Variants in MAMLD1 observed in about 807,000 individuals in gnomAD.
The protein encoded by MAMLD1 is mastermind-like domain-containing protein 1.
In MAMLD1, 14 loss-of-function variants were observed where a neutral mutation model predicts 45.0. That is an observed-to-expected ratio of 0.31 (90% CI 0.21 to 0.49). The LOEUF (loss-of-function observed/expected upper bound fraction) is 0.49, where lower values mean the gene tolerates loss of function less well. MAMLD1 is among the 20% of genes least tolerant of loss of function. MAMLD1 has a pLI of 0.99. For synonymous variants in MAMLD1, 254 were observed against 247.8 expected, an observed-to-expected ratio of 1.02 and a Z score of -0.24; for missense variants, 543 against 603.6, an observed-to-expected ratio of 0.90 and a Z score of 1.05.
chrX:150,381,698 C>T lies in MAMLD1; in HGVS notation c.-64+18168C>T, dbSNP rs997704114. On this transcript the variant is annotated intron_variant, in intron 1 of 7. Transcript: ENST00000370401. Reference sequence around the variant, plus strand: ...ATTCTGATAGTGGTGTAGTGCAATACAGGAGTAGTCCATTCTCACAGGTGT... The same window carrying T: ...ATTCTGATAGTGGTGTAGTGCAATATAGGAGTAGTCCATTCTCACAGGTGT... Among the ~76,000 whole-genome samples, 6 of 112,099 alleles carry T rather than the reference C, an allele frequency of 5.4e-5. No homozygotes were observed. The Admixed American group carries it at 5.7e-4, about 11-fold the overall frequency.
intron 1 of MAMLD1, among the ~76,000 whole-genome samples, chrX:150,425,250 G>T (rs782723488): frequency 9.0e-6 from 1 of 111,258 alleles, no homozygotes; most frequent in Non-Finnish European, 1.9e-5. Flanking sequence ...ATCCTCTTGG[G>T]CATATATCTA....
chrX:150,373,837 C>T (rs1245998172), intron 1 of MAMLD1, among the ~76,000 whole-genome samples: 1 of 111,793 alleles, frequency 8.9e-6, no homozygotes, highest in African/African-American at 3.3e-5. Flanking sequence ...AGTTACCATG[C>T]CTTGGAGAGA....
At chrX:150,503,765 C>T (rs782300085) in intron 6 of MAMLD1, among the ~76,000 whole-genome samples, 2 of 112,437 alleles carry the variant, frequency 1.8e-5, no homozygotes, top group African/African-American at 6.4e-5. Context: ...GTGCCTCAGC[C>T]CCACCTCCAG....
chrX:150,507,114 G>A (rs1244972823), intron 6 of MAMLD1, among the ~76,000 whole-genome samples: 3 of 111,936 alleles, frequency 2.7e-5, no homozygotes, highest in Non-Finnish European at 3.8e-5. Flanking sequence ...ACAACAGGAC[G>A]TAGTGCCACA....
At chrX:150,396,517 T>C (rs1270277599) in intron 1 of MAMLD1, among the ~76,000 whole-genome samples, 1 of 111,476 alleles carries the variant, frequency 9.0e-6, no homozygotes, top group Non-Finnish European at 1.9e-5. Flanking sequence ...TGATCTCTAG[T>C]TTAATTCCAT....
At chrX:150,422,629 C>T (rs1284798306) in intron 1 of MAMLD1, among the ~76,000 whole-genome samples, 8 of 111,706 alleles carry the variant, frequency 7.2e-5, no homozygotes, top group Non-Finnish European at 1.5e-4. Flanking sequence ...GTTGGCCAGG[C>T]TGGTCTCGAA....
In MAMLD1 at chrX:150,512,779, C is replaced by T. The variant is rs782546709; in HGVS notation, c.*820C>T. The stretch of plus-strand genomic sequence containing the variant: ...CTGCCACCGCTGCTGCTGCTTCTGC[C>T]GTTGCTGCCAGCCAGTTCCCAGGTC... On this transcript the variant is annotated 3_prime_UTR_variant, in exon 8 of 8. Transcript: ENST00000370401. The T allele has an allele frequency of 3.5e-6, 4 of 1,153,996 alleles. No homozygotes were observed. Among genetic ancestry groups the T allele is most frequent in the African/African-American group, 1.8e-5 (1 of 55,841 alleles).
At chrX:150,418,556 CTT>C (rs2034352028) in intron 1 of MAMLD1, among the ~76,000 whole-genome samples, 1 of 102,890 alleles carries the variant, frequency 9.7e-6, no homozygotes, top group Admixed American at 1.1e-4. Flanking sequence ...ATCTTTCCTG[CTT>C]TCTGTTGTGG....
chrX:150,365,302 C>T (rs2031334191), intron 1 of MAMLD1, among the ~76,000 whole-genome samples: 1 of 111,660 alleles, frequency 9.0e-6, no homozygotes, highest in African/African-American at 3.3e-5. Flanking sequence ...TTTCGAGGAC[C>T]CTCTGTGGGA....
chrX:150,424,519 C>A (rs998541506), intron 1 of MAMLD1, among the ~76,000 whole-genome samples: 6 of 111,796 alleles, frequency 5.4e-5, no homozygotes, highest in African/African-American at 2.0e-4. Flanking sequence ...AAGTTTCCAG[C>A]ACTGCTAGGT....
At position 150,470,909 on chromosome X, in the gene MAMLD1, G is replaced by A. The variant is rs782768143; in HGVS notation, c.1336G>A (p.Ala446Thr). Reference sequence around the variant, plus strand: ...AACCCCTCAAGGACACCTGATGTCTGCTCTGCCTGCCAGCAACCCTGGGCC... The same window carrying A: ...AACCCCTCAAGGACACCTGATGTCTACTCTGCCTGCCAGCAACCCTGGGCC... The part of the protein sequence containing the change: ...IKTPQGHLMS[A>T]LPASNPGPSP... Residue 446 changes from alanine (A) to threonine (T), a missense_variant, in exon 4 of 8, where the codon GCT becomes ACT. Ala to Thr is a moderately conservative substitution (Grantham distance 58). Coordinates refer to ENST00000370401, the MANE Select transcript of MAMLD1 (RefSeq NM_005491.5). The A allele has an allele frequency of 8.3e-7, 1 of 1,211,527 alleles. No homozygotes were observed. Among genetic ancestry groups the A allele is most frequent in the Admixed American group, 2.2e-5 (1 of 46,038 alleles).
chrX:150,486,315 G>C (rs192182391), intron 5 of MAMLD1, among the ~76,000 whole-genome samples: 1 of 111,645 alleles, frequency 9.0e-6, no homozygotes, highest in Non-Finnish European at 1.9e-5. Flanking sequence ...TCTGTCAGAA[G>C]AGCCAGGAAG....
rs1471396263 is a variant in MAMLD1, at chrX:150,366,673, G to C, written c.-64+3143G>C. On this transcript the variant is annotated intron_variant, in intron 1 of 7. Transcript: ENST00000370401. ...TGCATATTAAATAGGATATTCTCCA[G>C]AGGGGAAAAGTGATGGGCTCCTATA... 2.7e-5 allele frequency among the ~76,000 whole-genome samples: 3 copies of C among 111,676 alleles called. No homozygotes were observed. In the East Asian group the frequency reaches 8.5e-4, roughly 32 times the overall value.
At chrX:150,461,165 A>G (rs2036025808) in intron 2 of MAMLD1, among the ~76,000 whole-genome samples, 1 of 113,252 alleles carries the variant, frequency 8.8e-6, no homozygotes, top group Non-Finnish European at 1.9e-5. Context: ...AGCCACCAGC[A>G]TAGCTGCCCT....
At chrX:150,446,084 T>C (rs1200306043) in intron 2 of MAMLD1, among the ~76,000 whole-genome samples, 5 of 111,788 alleles carry the variant, frequency 4.5e-5, no homozygotes, top group African/African-American at 1.6e-4. Context: ...ACACTTCTAC[T>C]TTCCTCCCTG....
chrX:150,370,590 C>G (rs1459442050), intron 1 of MAMLD1, among the ~76,000 whole-genome samples: 1 of 110,862 alleles, frequency 9.0e-6, no homozygotes, highest in Non-Finnish European at 1.9e-5. Context: ...GGGTCCTGCT[C>G]CCAAATTACC....
chrX:150,439,140 C>G (rs2035214499), intron 1 of MAMLD1, among the ~76,000 whole-genome samples: 1 of 111,961 alleles, frequency 8.9e-6, no homozygotes, highest in Admixed American at 9.4e-5. Flanking sequence ...ATTTATATAT[C>G]TTCTTTGGGA....
At chrX:150,449,724 TC>T (rs2035602564) in intron 2 of MAMLD1, among the ~76,000 whole-genome samples, 1 of 110,726 alleles carries the variant, frequency 9.0e-6, no homozygotes, top group Non-Finnish European at 1.9e-5. Context: ...ATTTCCAGGG[TC>T]CCTTCTGTGT....
At chrX:150,475,910 G>A (rs1483381847) in intron 5 of MAMLD1, among the ~76,000 whole-genome samples, 1 of 111,889 alleles carries the variant, frequency 8.9e-6, no homozygotes, top group Non-Finnish European at 1.9e-5. Flanking sequence ...CAGAACATTT[G>A]GGACTTTGGG....
Sources: allele counts gnomAD v4.1 joint callset (sites outside exome capture counted in the v4.1 genomes callset), GRCh38; gene constraint gnomAD v4.1.1; transcripts MANE v1.5; gene names NCBI Gene and HGNC (gene_info 2026-07-23, HGNC 2026-07-21).